Variants in UGT1A8 observed in about 807,000 individuals in gnomAD.
UGT1A8 encodes UDP glucuronosyltransferase family 1 member A8, also known as UDP-glucuronosyltransferase 1A8.
A neutral mutation model predicts 45.3 loss-of-function variants in UGT1A8; 39 were observed. The observed-to-expected ratio is 0.86, with a 90% CI of 0.67 to 1.12. UGT1A8 has a LOEUF of 1.12. UGT1A8 is among the 50% of genes most tolerant of loss of function. The pLI is 0.00. For missense variants in UGT1A8, 719 were observed against 664.9 expected (o/e 1.08, Z -0.90); for synonymous variants, 275 against 249.2 (o/e 1.10, Z -0.97).
At chr2:233,666,584 TA>T (rs1238372509) in intron 1 of UGT1A8, among the ~76,000 whole-genome samples, 1 of 152,200 alleles carries the variant, frequency 6.6e-6, no homozygotes, top group Admixed American at 6.5e-5. Flanking sequence ...ATTTATCCTT[TA>T]CCAGTCTGTA....
At chr2:233,648,284 A>C (rs368230203) in intron 1 of UGT1A8, 195 of 610,258 alleles carry the variant, frequency 3.2e-4, no homozygotes, top group Middle Eastern at 1.0e-3. Context: ...GATCCTTTAG[A>C]TATGTGTGGC....
chr2:233,737,293 C>T (rs2078860261), intron 1 of UGT1A8, among the ~76,000 whole-genome samples: 1 of 152,250 alleles, frequency 6.6e-6, no homozygotes, highest in Non-Finnish European at 1.5e-5. Context: ...CAGGCTGCCG[C>T]CTCACAGTTC....
At chr2:233,674,164 T>C (rs1433240728) in intron 1 of UGT1A8, among the ~76,000 whole-genome samples, 3 of 152,194 alleles carry the variant, frequency 2.0e-5, no homozygotes, top group African/African-American at 7.2e-5. Flanking sequence ...GGTAACACAG[T>C]CATATTCTCT....
rs774459514 is a variant in UGT1A8 at position 233,636,559 on chromosome 2, T to C, written c.855+17997T>C. ...AGGGTGGACCAGCCCCGTTCCTTTA[T>C]GTGTGTGTCTACTGCTGACCTGTGG... On this transcript the variant is annotated intron_variant, in intron 1 of 4. Transcript: ENST00000373450. The C allele has an allele frequency of 5.6e-6, 9 of 1,614,064 alleles. No homozygotes were observed. The African/African-American group carries it at 9.3e-5, about 17-fold the overall frequency.
chr2:233,747,643 C>T (rs1693738898), intron 1 of UGT1A8: 1 of 1,585,416 alleles, frequency 6.3e-7, no homozygotes, highest in East Asian at 2.2e-5. Context: ...CTGAATGCTA[C>T]TTCCTTCGAT....
chr2:233,640,182 A>G (rs2125462592), intron 1 of UGT1A8, among the ~76,000 whole-genome samples: 1 of 152,332 alleles, frequency 6.6e-6, no homozygotes, highest in African/African-American at 2.4e-5. Context: ...TGTTTACTTC[A>G]AGTATTTATT....
chr2:233,642,548 T>C (rs1559321384), intron 1 of UGT1A8, among the ~76,000 whole-genome samples: 2 of 152,244 alleles, frequency 1.3e-5, no homozygotes, highest in African/African-American at 4.8e-5. Flanking sequence ...GATGAGGTCA[T>C]GGTTTTCCTG....
intron 1 of UGT1A8, among the ~76,000 whole-genome samples, chr2:233,758,968 C>T (rs1224363949): frequency 6.6e-6 from 1 of 152,170 alleles, no homozygotes; most frequent in Non-Finnish European, 1.5e-5. Context: ...AATGCCTTTC[C>T]CCTGGATCTT....
At chr2:233,646,416 CT>C (rs1363892817) in intron 1 of UGT1A8, among the ~76,000 whole-genome samples, 2 of 152,196 alleles carry the variant, frequency 1.3e-5, no homozygotes, top group Non-Finnish European at 2.9e-5. Context: ...ATGGGATTTT[CT>C]TTTCTATCAC....
At chr2:233,738,596 A>G (rs545904932) in intron 1 of UGT1A8, among the ~76,000 whole-genome samples, 1 of 152,336 alleles carries the variant, frequency 6.6e-6, no homozygotes, top group East Asian at 1.9e-4. Flanking sequence ...CACTCTTGCT[A>G]AGCTTTAGCA....
At chr2:233,650,513 T>G (rs1259869711) in intron 1 of UGT1A8, among the ~76,000 whole-genome samples, 1 of 152,244 alleles carries the variant, frequency 6.6e-6, no homozygotes, top group Non-Finnish European at 1.5e-5. Context: ...CAAATTGGTA[T>G]GGATGGTCTG....
chr2:233,753,691 A>G (rs900061019), intron 1 of UGT1A8: 3 of 152,228 alleles, frequency 2.0e-5, no homozygotes, highest in Admixed American at 6.5e-5. Context: ...ACAATATTAC[A>G]GATGCACTTG....
intron 1 of UGT1A8, among the ~76,000 whole-genome samples, chr2:233,628,700 G>A (rs930915081): frequency 1.3e-5 from 2 of 152,140 alleles, no homozygotes; most frequent in Admixed American, 6.6e-5. Flanking sequence ...GCCTTGAGGA[G>A]TGGAGCATTC....
chr2:233,657,165 C>A (rs1340777939), intron 1 of UGT1A8, among the ~76,000 whole-genome samples: 1 of 152,218 alleles, frequency 6.6e-6, no homozygotes, highest in Non-Finnish European at 1.5e-5. Flanking sequence ...CTGGCCCCCA[C>A]TAGCTATCAA....
chr2:233,700,852 C>G (rs1159927866), intron 1 of UGT1A8, among the ~76,000 whole-genome samples: 2 of 152,028 alleles, frequency 1.3e-5, no homozygotes, highest in Non-Finnish European at 2.9e-5. Context: ...AGGTATATCT[C>G]CTAATGCTAT....
rs1296616460 is a variant in UGT1A8 at position 233,754,185 on chromosome 2, C to G, written c.856-12849C>G. Reference sequence around the variant, plus strand: ...ATTAATATATTCATAGATTTCACCACCACACAGTAAAACATTGAAGTCAAA... The same window carrying G: ...ATTAATATATTCATAGATTTCACCAGCACACAGTAAAACATTGAAGTCAAA... On this transcript the variant is annotated intron_variant, in intron 1 of 4. Transcript: ENST00000373450. 3.1e-5 allele frequency: 5 copies of G among 159,682 alleles called. No individual in the cohort carries two copies. The East Asian group carries it at 9.1e-4, about 29-fold the overall frequency. 9.9% of individuals were successfully genotyped at this position (159,682 alleles called of 1,614,324 possible). A position where few individuals can be genotyped will look rare whatever the true frequency, so the allele number is the denominator to read the frequency against.
intron 1 of UGT1A8, among the ~76,000 whole-genome samples, chr2:233,696,367 C>T (rs2075340033): frequency 1.3e-5 from 2 of 151,946 alleles, no homozygotes; most frequent in Admixed American, 1.3e-4. Flanking sequence ...AAATTTATTC[C>T]TAGGTATTAT....
At chr2:233,618,699 C>A (rs928449288) in intron 1 of UGT1A8, 137 bp downstream of exon 1, 10 of 1,479,868 alleles carry the variant, frequency 6.8e-6, no homozygotes, top group Middle Eastern at 3.6e-4. Flanking sequence ...TTATTTTGTG[C>A]CAATTTATGT....
In UGT1A8 at chr2:233,768,381, C is replaced by T. The variant is rs764290725; in HGVS notation, c.1237C>T (p.Leu413=). 1.9e-6 allele frequency: 3 copies of T among 1,614,120 alleles called. No individual in the cohort carries two copies. Among genetic ancestry groups the T allele is most frequent in the Non-Finnish European group, 2.5e-6 (3 of 1,180,032 alleles). ...TKGAGVTLNV[L]EMTSEDLENA... ...GGGAGCTGGAGTGACCCTGAATGTT[C>T]TGGAAATGACTTCTGAAGATTTAGA... Residue 413 remains leucine (L), a synonymous_variant, in exon 4 of 5, where the codon CTG becomes TTG. Transcript: ENST00000373450.
Sources: gnomAD v4.1 joint callset for allele counts (sites outside exome capture counted in the v4.1 genomes callset) on GRCh38, gnomAD v4.1.1 for gene constraint, MANE v1.5 for transcripts, NCBI Gene and HGNC (gene_info 2026-07-23, HGNC 2026-07-21) for gene names.